Variants in ERFL observed in about 807,000 individuals in gnomAD.
The protein encoded by ERFL is ETS repressor factor like, also known as ETS domain-containing transcription factor ERF-like.
Under a neutral mutation model 27.9 loss-of-function variants are expected in ERFL, and 8 were observed. That is an observed-to-expected ratio of 0.29 (90% CI 0.17 to 0.52). The LOEUF is 0.52. Ranked by LOEUF, ERFL falls within the 20% of genes least tolerant of loss-of-function variation. The pLI is 0.97. For synonymous variants in ERFL, 174 were observed against 202.8 expected, an observed-to-expected ratio of 0.86 and a Z score of 1.21; for missense variants, 294 against 444.4, an observed-to-expected ratio of 0.66 and a Z score of 3.04.
intron 1 of ERFL, among the ~76,000 whole-genome samples, chr19:41,915,250 G>C (rs1326329265): frequency 6.7e-6 from 1 of 149,100 alleles, no homozygotes; most frequent in Non-Finnish European, 1.5e-5. Flanking sequence ...TGGGATCGGC[G>C]CTCCGGGCCC....
intron 2 of ERFL, among the ~76,000 whole-genome samples, chr19:41,911,356 G>C (rs2074750232): frequency 6.6e-6 from 1 of 152,240 alleles, no homozygotes; most frequent in Non-Finnish European, 1.5e-5. Context: ...ATAGAAGGCA[G>C]AGTGAGTCCA....
intron 1 of ERFL, among the ~76,000 whole-genome samples, chr19:41,922,209 G>A (rs771288285): frequency 1.6e-4 from 25 of 152,236 alleles, no homozygotes; most frequent in African/African-American, 5.5e-4. Flanking sequence ...CAGGCATCCC[G>A]ACAGAGCCCG....
intron 1 of ERFL, among the ~76,000 whole-genome samples, chr19:41,914,573 CCG>C (rs1244155792): frequency 2.2e-4 from 6 of 27,666 alleles, no homozygotes; most frequent in Middle Eastern, 0.029. Flanking sequence ...ATCTCTGTCT[CCG>C]TCTCTCCCTC....
chr19:41,918,139 C>T (rs2074813255), intron 1 of ERFL, among the ~76,000 whole-genome samples: 1 of 151,976 alleles, frequency 6.6e-6, no homozygotes, highest in South Asian at 2.1e-4. Context: ...ACATCAAATG[C>T]TCTGGCCTGA....
In ERFL at chr19:41,908,921, G is replaced by T; in HGVS notation, c.616+139C>A. 1.9e-6 allele frequency: 1 copy of T among 515,146 alleles called. No homozygotes were observed. Among genetic ancestry groups the T allele is most frequent in the Non-Finnish European group, 3.0e-6 (1 of 334,252 alleles). The allele number at this position is 515,146 out of a possible 1,614,324, so 31.9% of individuals were successfully genotyped here. Reference sequence around the variant, plus strand: ...CTCCCTCACATCACATCCTTTTCTGGGTTTTACACACACACACCCTACAAC... The same window carrying T: ...CTCCCTCACATCACATCCTTTTCTGTGTTTTACACACACACACCCTACAAC... On this transcript the variant is annotated intron_variant, in intron 5 of 5. Coordinates refer to ENST00000597630, the MANE Select transcript of ERFL (RefSeq NM_001365103.2). The surrounding 1 kb of genome is among the most constrained non-coding windows in gnomAD (Gnocchi z 6.7).
chr19:41,923,574 G>T (rs1599680678), intron 1 of ERFL, among the ~76,000 whole-genome samples: 1 of 146,418 alleles, frequency 6.8e-6, no homozygotes. Flanking sequence ...GGAGACAGGG[G>T]CAGGTGGTGG....
intron 2 of ERFL, among the ~76,000 whole-genome samples, chr19:41,911,603 A>C (rs2074752023): frequency 6.6e-6 from 1 of 152,120 alleles, no homozygotes; most frequent in Non-Finnish European, 1.5e-5. Context: ...AGTCTCCTTG[A>C]GGGAGAATTT....
Position 41,921,582 on chromosome 19 carries a change from T to C in ERFL, c.-14+6458A>G, listed in dbSNP as rs782737429. Among the ~76,000 whole-genome samples, 1 of 150,994 alleles carries C rather than the reference T, an allele frequency of 6.6e-6. No individual in the cohort carries two copies. Among genetic ancestry groups the C allele is most frequent in the African/African-American group, 2.4e-5 (1 of 40,930 alleles). ...CGAACCAGAGAGGCTGAGACAAAAG[T>C]AGATTAGAAAGCTGGAGGTCACGGG... On this transcript the variant is annotated intron_variant, in intron 1 of 5. Transcript: ENST00000597630. This position sits in a 1 kb window ranked among gnomAD's most constrained non-coding sequence, Gnocchi z 4.4.
rs2074731970 is a variant in ERFL, at chr19:41,908,473, C to T, written c.820G>A (p.Ala274Thr). The change falls in exon 6 of 6, where the codon GCC (alanine) becomes ACC (threonine). Residue 274 changes from alanine to threonine, a missense_variant. Physicochemically the swap from Ala to Thr is moderately conservative, Grantham distance 58. Transcript: ENST00000597630. This position sits in a 1 kb window ranked among gnomAD's most constrained non-coding sequence, Gnocchi z 6.7. Reference sequence around the variant, plus strand: ...CCTGTCGAGGCCAGCAGGGGCGTGGCTGTGGGGCCTCCCCCTGCCCCTGAC... The same window carrying T: ...CCTGTCGAGGCCAGCAGGGGCGTGGTTGTGGGGCCTCCCCCTGCCCCTGAC... ...PSSGAGGGPTATPLLASTGEG... is the reference protein window; with the variant it reads ...PSSGAGGGPTTTPLLASTGEG... 12 of 1,231,550 alleles carry T rather than the reference C, an allele frequency of 9.7e-6. No homozygotes were observed. The highest frequency in any genetic ancestry group is 1.0e-5 in the Non-Finnish European group (10 of 987,858). 76.3% of individuals were successfully genotyped at this position (1,231,550 alleles called of 1,614,324 possible).
Position 41,909,898 on chromosome 19 carries a change from G to A in ERFL, c.267C>T (p.Pro89=), listed in dbSNP as rs549560496. The A allele has an allele frequency of 6.2e-7, 1 of 1,613,478 alleles. No individual in the cohort carries two copies. Among genetic ancestry groups the A allele is most frequent in the South Asian group, 1.1e-5 (1 of 91,004 alleles). ...GGCTCAGCTTGTCGTAATTCATGTG[G>A]GGCTTGCATTTGCGAATACCCCACA... ...ARLWGIRKCK[P]HMNYDKLSRA... is the part of the protein sequence containing the mutation. The change falls in exon 3 of 6, where the codon CCC becomes CCT. Residue 89 remains proline, a synonymous_variant. Coordinates refer to ENST00000597630, the MANE Select transcript of ERFL (RefSeq NM_001365103.2). This position sits in a 1 kb window ranked among gnomAD's most constrained non-coding sequence, Gnocchi z 5.2.
intron 1 of ERFL, among the ~76,000 whole-genome samples, chr19:41,914,864 A>G (rs1246711396): frequency 1.5e-3 from 24 of 16,450 alleles, no homozygotes; most frequent in Admixed American, 3.8e-3. Flanking sequence ...CCCCTCCACC[A>G]TCTCTGTCTC....
intron 1 of ERFL, among the ~76,000 whole-genome samples, chr19:41,914,429 G>A (rs926149813): frequency 6.7e-6 from 1 of 149,814 alleles, no homozygotes; most frequent in Non-Finnish European, 1.5e-5. Flanking sequence ...CCACCCCTCA[G>A]TCTCTTCCCT....
intron 1 of ERFL, among the ~76,000 whole-genome samples, chr19:41,915,330 C>A (rs536027755): frequency 5.9e-5 from 9 of 151,714 alleles, no homozygotes; most frequent in African/African-American, 2.2e-4. Flanking sequence ...GCCCAGCCTT[C>A]GTCCTGTGTC....
In ERFL at chr19:41,909,181, G is replaced by C; in HGVS notation, c.499-4C>G. 1.6e-6 allele frequency: 2 copies of C among 1,231,872 alleles called. No homozygotes were observed. The highest frequency in any genetic ancestry group is 2.0e-6 in the Non-Finnish European group (2 of 988,092). 76.3% of individuals were successfully genotyped at this position (1,231,872 alleles called of 1,614,324 possible). A position where few individuals can be genotyped will look rare whatever the true frequency, so the allele number is the denominator to read the frequency against. On this transcript the variant is annotated splice_polypyrimidine_tract_variant and splice_region_variant and intron_variant, in intron 4 of 5. Coordinates refer to ENST00000597630, the MANE Select transcript of ERFL (RefSeq NM_001365103.2). The surrounding 1 kb of genome is among the most constrained non-coding windows in gnomAD (Gnocchi z 5.2). ...CAGAGAACAGGGTTTGCAGGGTCTAGAGAGGGAGTGGGAGAAGCCGCCCTT... is the reference window on the plus strand; with the variant it reads ...CAGAGAACAGGGTTTGCAGGGTCTACAGAGGGAGTGGGAGAAGCCGCCCTT...
intron 1 of ERFL, among the ~76,000 whole-genome samples, chr19:41,913,862 C>G (rs971684488): frequency 3.3e-5 from 5 of 151,014 alleles, no homozygotes; most frequent in Non-Finnish European, 7.4e-5. Context: ...ACGCTGCCCT[C>G]GCGCTCCCGA....
At chr19:41,919,397 G>C (rs1555852229) in intron 1 of ERFL, among the ~76,000 whole-genome samples, 1 of 152,062 alleles carries the variant, frequency 6.6e-6, no homozygotes, top group South Asian at 2.1e-4. Context: ...TACACAAACA[G>C]TCATCAGTGC....
intron 1 of ERFL, among the ~76,000 whole-genome samples, chr19:41,915,089 C>T (rs1479441080): frequency 8.2e-6 from 1 of 122,422 alleles, no homozygotes. Context: ...TCTCCCACCT[C>T]CCGCTCTCTT....
At chr19:41,919,051 C>T (rs2074821700) in intron 1 of ERFL, among the ~76,000 whole-genome samples, 1 of 151,376 alleles carries the variant, frequency 6.6e-6, no homozygotes, top group African/African-American at 2.4e-5. Flanking sequence ...ACCACATACA[C>T]AACACTGCAT....
intron 1 of ERFL, among the ~76,000 whole-genome samples, chr19:41,918,322 T>C (rs887822327): frequency 6.9e-6 from 1 of 145,468 alleles, no homozygotes; most frequent in Non-Finnish European, 1.5e-5. Flanking sequence ...ACACACCACA[T>C]ACACACACAC....
Sources: gnomAD v4.1 joint callset for allele counts (sites outside exome capture counted in the v4.1 genomes callset) on GRCh38, gnomAD v4.1.1 for gene constraint, Gnocchi (gnomAD v3.1) non-coding constraint, MANE v1.5 for transcripts, NCBI Gene and HGNC (gene_info 2026-07-23, HGNC 2026-07-21) for gene names.